Variants in LRP1B observed in about 807,000 individuals in gnomAD.
LRP1B encodes low-density lipoprotein receptor-related protein 1B.
Under a neutral mutation model 556.6 loss-of-function variants are expected in LRP1B, and 217 were observed. The observed-to-expected ratio is 0.39, with a 90% CI of 0.35 to 0.44. The LOEUF (loss-of-function observed/expected upper bound fraction) is 0.44. Ranked by LOEUF, LRP1B falls within the 20% of genes least tolerant of loss-of-function variation. LRP1B has a pLI of 1.00. For synonymous variants in LRP1B, 2,047 were observed against 1,865.8 expected, an observed-to-expected ratio of 1.10 and a Z score of -2.50; for missense variants, 5,053 against 5,620.8, an observed-to-expected ratio of 0.90 and a Z score of 3.23.
intron 35 of LRP1B, among the ~76,000 whole-genome samples, chr2:140,733,014 T>C (rs181994522): frequency 4.0e-4 from 61 of 152,278 alleles, no homozygotes; most frequent in African/African-American, 1.3e-3. Flanking sequence ...TGTGCATGTA[T>C]GTGTGTCTGT....
intron 32 of LRP1B, among the ~76,000 whole-genome samples, chr2:140,786,511 A>G (rs1299813712): frequency 6.6e-6 from 1 of 152,166 alleles, no homozygotes; most frequent in East Asian, 1.9e-4. Context: ...TCTGTGTGGG[A>G]GCAGCTCTCT....
intron 1 of LRP1B, among the ~76,000 whole-genome samples, chr2:142,116,880 A>G: frequency 6.6e-6 from 1 of 152,204 alleles, no homozygotes; most frequent in Non-Finnish European, 1.5e-5. Flanking sequence ...CTTCCCAAGG[A>G]ACAGAAAGAT....
intron 2 of LRP1B, among the ~76,000 whole-genome samples, chr2:141,585,004 C>G (rs965379378): frequency 6.6e-6 from 1 of 152,140 alleles, no homozygotes; most frequent in African/African-American, 2.4e-5. Flanking sequence ...TTTAACACTA[C>G]TGAACTATAC....
At chr2:140,511,432 G>T (rs1689654181) in intron 51 of LRP1B, among the ~76,000 whole-genome samples, 1 of 151,058 alleles carries the variant, frequency 6.6e-6, no homozygotes, top group South Asian at 2.1e-4. Context: ...CTCCGGAGTA[G>T]CTGGGACTAC....
intron 1 of LRP1B, among the ~76,000 whole-genome samples, chr2:141,991,569 A>C (rs1702345826): frequency 6.6e-6 from 1 of 152,050 alleles, no homozygotes; most frequent in Non-Finnish European, 1.5e-5. Context: ...TGTAATATAA[A>C]ATTGCACTCC....
intron 2 of LRP1B, among the ~76,000 whole-genome samples, chr2:141,518,925 G>A (rs572163393): frequency 6.6e-6 from 1 of 151,940 alleles, no homozygotes; most frequent in East Asian, 1.9e-4. Context: ...ACTCCAGCCT[G>A]GACAACAAGA....
intron 32 of LRP1B, among the ~76,000 whole-genome samples, chr2:140,792,610 G>A (rs1183147271): frequency 1.3e-5 from 2 of 151,964 alleles, no homozygotes; most frequent in Non-Finnish European, 2.9e-5. Flanking sequence ...AATGAGAAAC[G>A]GTCTTAGAAG....
intron 2 of LRP1B, among the ~76,000 whole-genome samples, chr2:141,656,459 T>C (rs1166319075): frequency 1.3e-5 from 2 of 152,176 alleles, no homozygotes; most frequent in Non-Finnish European, 2.9e-5. Context: ...TATCTTAATA[T>C]TGAAACTTGA....
At chr2:141,502,503 T>C (rs1683753760) in intron 2 of LRP1B, among the ~76,000 whole-genome samples, 1 of 152,170 alleles carries the variant, frequency 6.6e-6, no homozygotes, top group Non-Finnish European at 1.5e-5. Flanking sequence ...AGATAGATAG[T>C]TGAAGAAACA....
intron 29 of LRP1B, 123 bp from the exon 30 acceptor site, chr2:140,841,215 G>C (rs1332055152): frequency 3.3e-6 from 2 of 608,548 alleles, no homozygotes; most frequent in Admixed American, 6.7e-5. Flanking sequence ...AGCTAAAATC[G>C]CACAAGATTG....
intron 2 of LRP1B, among the ~76,000 whole-genome samples, chr2:141,555,648 G>GT (rs1685935895): frequency 6.6e-6 from 1 of 151,846 alleles, no homozygotes; most frequent in Non-Finnish European, 1.5e-5. Context: ...AATTATTTGT[G>GT]TTTTTTGAAA....
At chr2:141,442,618 C>T (rs1681024799) in intron 3 of LRP1B, among the ~76,000 whole-genome samples, 1 of 151,906 alleles carries the variant, frequency 6.6e-6, no homozygotes. Flanking sequence ...TGTGATGTTC[C>T]CCTCCCTGTG....
chr2:141,299,901 T>C (rs1686322491), intron 3 of LRP1B, among the ~76,000 whole-genome samples: 1 of 152,190 alleles, frequency 6.6e-6, no homozygotes, highest in African/African-American at 2.4e-5. Flanking sequence ...GGATGGAATG[T>C]TTGTGTCCAG....
At chr2:141,202,345 T>A (rs1682067838) in intron 6 of LRP1B, among the ~76,000 whole-genome samples, 1 of 152,240 alleles carries the variant, frequency 6.6e-6, no homozygotes, top group Non-Finnish European at 1.5e-5. Context: ...ATTCCACATC[T>A]TTGCTATTGT....
chr2:142,004,214 A>G (rs1194713073), intron 1 of LRP1B, among the ~76,000 whole-genome samples: 1 of 152,130 alleles, frequency 6.6e-6, no homozygotes, highest in Non-Finnish European at 1.5e-5. Context: ...AACAGAAGCA[A>G]ATGACCACAG....
chr2:140,889,582 C>A (rs1693738530), intron 23 of LRP1B, among the ~76,000 whole-genome samples: 1 of 152,200 alleles, frequency 6.6e-6, no homozygotes, highest in Non-Finnish European at 1.5e-5. Context: ...CAGACGTAAG[C>A]CACCTGGCCC....
intron 2 of LRP1B, among the ~76,000 whole-genome samples, chr2:141,710,932 A>T (rs1037006968): frequency 6.6e-6 from 1 of 152,194 alleles, no homozygotes; most frequent in Non-Finnish European, 1.5e-5. Context: ...TTCCTACATT[A>T]GATTGATTTT....
chr2:141,705,951 C>A (rs1164826783), intron 2 of LRP1B, among the ~76,000 whole-genome samples: 1 of 151,918 alleles, frequency 6.6e-6, no homozygotes, highest in Non-Finnish European at 1.5e-5. Flanking sequence ...ATTTATTTTT[C>A]TTTTAATTAG....
At chr2:140,945,972 T>A (rs932887007) in intron 20 of LRP1B, among the ~76,000 whole-genome samples, 1 of 152,082 alleles carries the variant, frequency 6.6e-6, no homozygotes, top group Admixed American at 6.6e-5. Flanking sequence ...GACAAGGAAC[T>A]AATAGCCAGA....
Sources: allele counts gnomAD v4.1 joint callset (sites outside exome capture counted in the v4.1 genomes callset), GRCh38; gene constraint gnomAD v4.1.1; transcripts MANE v1.5; gene names NCBI Gene and HGNC (gene_info 2026-07-23, HGNC 2026-07-21).